Variants in SLC24A2 observed in about 807,000 individuals in gnomAD.
SLC24A2 encodes solute carrier family 24 member 2.
A neutral mutation model predicts 62.0 loss-of-function variants in SLC24A2; 36 were observed. The ratio of observed to expected loss-of-function variants is 0.58; its 90% CI spans 0.44 to 0.77. The LOEUF is 0.77. Ranked by LOEUF, SLC24A2 falls within the 30% of genes least tolerant of loss-of-function variation. The probability of loss-of-function intolerance (pLI) is 0.00; values close to 1 mark genes in which losing one functional copy is unlikely to be tolerated. For missense variants in SLC24A2, 846 were observed against 817.9 expected, an observed-to-expected ratio of 1.03 and a Z score of -0.42; for synonymous variants, 358 against 294.0, an observed-to-expected ratio of 1.22 and a Z score of -2.23.
At chr9:19,794,163 T>C in the SLC24A2 span, among the ~76,000 whole-genome samples, 134 of 152,348 alleles carry the variant, frequency 8.8e-4, no homozygotes, top group East Asian at 0.011. Flanking sequence ...CTTTCTTCTT[T>C]TCTTATTCAC....
the SLC24A2 span, among the ~76,000 whole-genome samples, chr9:20,251,238 C>T: frequency 6.6e-6 from 1 of 152,212 alleles, no homozygotes; most frequent in Non-Finnish European, 1.5e-5. Flanking sequence ...CTCTCATACT[C>T]TTAGGTGTTT....
At chr9:19,611,787 T>C (rs113382336) in intron 4 of SLC24A2, among the ~76,000 whole-genome samples, 2,306 of 152,208 alleles carry the variant, frequency 0.015, 24 homozygotes, top group Non-Finnish European at 0.022. Flanking sequence ...ACAAAGTTAC[T>C]AGGGATGGGA....
the SLC24A2 span, among the ~76,000 whole-genome samples, chr9:20,282,594 T>C: frequency 6.6e-6 from 1 of 152,214 alleles, no homozygotes; most frequent in African/African-American, 2.4e-5. Flanking sequence ...CACCCCCATC[T>C]TTAGAAGTAA....
chr9:19,871,394 A>G, the SLC24A2 span, among the ~76,000 whole-genome samples: 3 of 152,184 alleles, frequency 2.0e-5, no homozygotes, highest in Non-Finnish European at 4.4e-5. Flanking sequence ...TGAAGAACAG[A>G]AAGATTGATG....
intron 2 of SLC24A2, among the ~76,000 whole-genome samples, chr9:19,630,116 T>A (rs1818139207): frequency 6.6e-6 from 1 of 152,194 alleles, no homozygotes; most frequent in Non-Finnish European, 1.5e-5. Context: ...GTGTTACATT[T>A]AAGAATATAC....
At chr9:20,275,733 G>A in the SLC24A2 span, among the ~76,000 whole-genome samples, 1 of 152,160 alleles carries the variant, frequency 6.6e-6, no homozygotes. Flanking sequence ...CCAAGACTGG[G>A]TAATTATAAA....
the SLC24A2 span, among the ~76,000 whole-genome samples, chr9:20,079,324 A>G: frequency 4.9e-4 from 74 of 152,174 alleles, no homozygotes; most frequent in Non-Finnish European, 9.0e-4. Context: ...AGGAAAAAAT[A>G]CTCTTGTTAA....
At chr9:19,732,485 G>C (rs1821369707) in intron 2 of SLC24A2, among the ~76,000 whole-genome samples, 1 of 152,100 alleles carries the variant, frequency 6.6e-6, no homozygotes, top group Non-Finnish European at 1.5e-5. Context: ...ATTTCTTTTT[G>C]ATTGACAAAT....
chr9:19,967,777 G>T, the SLC24A2 span: 1 of 152,154 alleles, frequency 6.6e-6, no homozygotes, highest in Non-Finnish European at 1.5e-5. Flanking sequence ...GCAGGGGGCA[G>T]CATTAGTTAA....
chr9:19,571,993 G>T (rs1220411724), intron 7 of SLC24A2, among the ~76,000 whole-genome samples: 2 of 151,998 alleles, frequency 1.3e-5, no homozygotes, highest in African/African-American at 4.8e-5. Flanking sequence ...CTACTATCCG[G>T]GCGCAGTGGC....
At chr9:19,571,047 C>A (rs1835823287) in intron 7 of SLC24A2, among the ~76,000 whole-genome samples, 1 of 152,188 alleles carries the variant, frequency 6.6e-6, no homozygotes, top group South Asian at 2.1e-4. Context: ...TCCTCCCTTG[C>A]AGGGGCACAG....
intron 2 of SLC24A2, among the ~76,000 whole-genome samples, chr9:19,646,446 G>T (rs1246191027): frequency 6.6e-6 from 1 of 152,178 alleles, no homozygotes; most frequent in African/African-American, 2.4e-5. Flanking sequence ...CCTTCAGAGA[G>T]AAATTTCTCT....
intron 1 of SLC24A2, chr9:19,788,583 CCT>C (rs1288038213): frequency 1.3e-4 from 133 of 985,458 alleles, no homozygotes; most frequent in Admixed American, 1.8e-4. Flanking sequence ...CCCGCATCCC[CCT>C]GAGTCGTTTG....
chr9:19,703,761 T>C (rs536528468), intron 2 of SLC24A2, among the ~76,000 whole-genome samples: 84 of 152,210 alleles, frequency 5.5e-4, no homozygotes, highest in African/African-American at 2.0e-3. Context: ...TAGGGGAAAA[T>C]GCACATATAT....
the SLC24A2 span, among the ~76,000 whole-genome samples, chr9:20,270,076 G>C: frequency 2.0e-5 from 3 of 152,106 alleles, no homozygotes; most frequent in African/African-American, 7.2e-5. Context: ...GCTTTATAAT[G>C]ACCTACTCTA....
At chr9:19,836,490 A>T in the SLC24A2 span, among the ~76,000 whole-genome samples, 1 of 152,228 alleles carries the variant, frequency 6.6e-6, no homozygotes, top group East Asian at 1.9e-4. Flanking sequence ...GAAATGGATA[A>T]ATTCCTCAAC....
intron 8 of SLC24A2, among the ~76,000 whole-genome samples, chr9:19,548,077 C>G (rs1834670632): frequency 6.6e-6 from 1 of 151,600 alleles, no homozygotes; most frequent in African/African-American, 2.4e-5. Flanking sequence ...GGAGTCCATA[C>G]AAGGAGTCCT....
the SLC24A2 span, among the ~76,000 whole-genome samples, chr9:19,894,468 T>C: frequency 6.6e-6 from 1 of 152,266 alleles, no homozygotes; most frequent in East Asian, 1.9e-4. Flanking sequence ...ATTGGTAACA[T>C]TCATTACATG....
At chr9:19,594,149 A>G (rs1475672180) in intron 5 of SLC24A2, among the ~76,000 whole-genome samples, 1 of 151,978 alleles carries the variant, frequency 6.6e-6, no homozygotes, top group Non-Finnish European at 1.5e-5. Flanking sequence ...ACTTCCATGG[A>G]AAGCAATCTT....
Sources: allele counts gnomAD v4.1 joint callset (sites outside exome capture counted in the v4.1 genomes callset), GRCh38; gene constraint gnomAD v4.1.1; transcripts MANE v1.5; gene names NCBI Gene and HGNC (gene_info 2026-07-23, HGNC 2026-07-21).